ITGAM: variants seen among roughly 807,000 people sequenced by gnomAD.
The protein encoded by ITGAM is integrin subunit alpha M.
ITGAM carries 79 observed loss-of-function variants against 137.5 expected under a neutral mutation model. That is an observed-to-expected ratio of 0.57 (90% confidence interval 0.48 to 0.69). ITGAM has a LOEUF of 0.69. Ranked by LOEUF, ITGAM falls within the 30% of genes least tolerant of loss-of-function variation. The probability of loss-of-function intolerance (pLI) is 0.00; values close to 1 mark genes in which losing one functional copy is unlikely to be tolerated. For missense variants in ITGAM, 1,343 were observed against 1,483.5 expected, an observed-to-expected ratio of 0.91 and a Z score of 1.56; for synonymous variants, 583 against 592.3, an observed-to-expected ratio of 0.98 and a Z score of 0.23.
chr16:31,270,867 C>A, intron 5 of ITGAM, 87 bp from the exon 6 acceptor site: 1 of 793,582 alleles, frequency 1.3e-6, no homozygotes, highest in Non-Finnish European at 1.8e-6. Flanking sequence ...CCTATATTCT[C>A]ATTGTTCAGC....
intron 16 of ITGAM, 44 bp downstream of exon 16, chr16:31,321,671 A>G: frequency 6.3e-7 from 1 of 1,589,012 alleles, no homozygotes; most frequent in Non-Finnish European, 8.6e-7. Flanking sequence ...ACGACCGAGG[A>G]CATGAATGGG....
chr16:31,296,893 C>A (rs1413877750), intron 12 of ITGAM, among the ~76,000 whole-genome samples: 3 of 152,148 alleles, frequency 2.0e-5, no homozygotes, highest in African/African-American at 7.2e-5. Flanking sequence ...AATATCACAA[C>A]AAATATTCAA....
intron 2 of ITGAM, among the ~76,000 whole-genome samples, chr16:31,265,120 G>A (rs2079749601): frequency 6.6e-6 from 1 of 151,986 alleles, no homozygotes. Flanking sequence ...CCACCCCCTT[G>A]GCCTCCCAAA....
Position 31,325,431 on chromosome 16 carries a change from C to T in ITGAM, c.2505+27C>T, listed in dbSNP as rs930028146. The T allele has an allele frequency of 3.7e-6, 6 of 1,612,464 alleles. No individual in the cohort carries two copies. In the African/African-American group the frequency reaches 8.0e-5, roughly 22 times the overall value. The stretch of plus-strand genomic sequence containing the variant: ...TAGCCACATCCTTCTCAGGCTCTAT[C>T]TGACCTTTGCTTCCCCATCCTCACG... On this transcript the variant is annotated intron_variant, in intron 20 of 29. Coordinates refer to ENST00000544665, the MANE Select transcript of ITGAM (RefSeq NM_000632.4).
At chr16:31,271,396 A>C (rs1202433856) in intron 6 of ITGAM, among the ~76,000 whole-genome samples, 2 of 152,186 alleles carry the variant, frequency 1.3e-5, no homozygotes, top group East Asian at 1.9e-4. Context: ...TCTTTCTCTC[A>C]GGCTGGAGTG....
At chr16:31,330,671 G>A in intron 28 of ITGAM, 66 bp downstream of exon 28, 2 of 1,151,132 alleles carry the variant, frequency 1.7e-6, no homozygotes, top group Non-Finnish European at 1.2e-6. Flanking sequence ...GATTTCTGGG[G>A]GAGGAGAGAG....
intron 14 of ITGAM, among the ~76,000 whole-genome samples, chr16:31,300,681 C>T (rs1013915216): frequency 2.0e-5 from 3 of 152,258 alleles, no homozygotes; most frequent in South Asian, 4.1e-4. Flanking sequence ...GAAGCCGAGG[C>T]GGGTGTATCA....
At chr16:31,282,161 G>A (rs1237090914) in intron 12 of ITGAM, among the ~76,000 whole-genome samples, 3 of 152,152 alleles carry the variant, frequency 2.0e-5, no homozygotes, top group Admixed American at 6.6e-5. Context: ...TTTTGTAATA[G>A]GTGTGGTGTG....
intron 22 of ITGAM, among the ~76,000 whole-genome samples, chr16:31,327,529 G>A (rs888065642): frequency 2.0e-5 from 3 of 151,980 alleles, no homozygotes; most frequent in African/African-American, 7.3e-5. Flanking sequence ...GGAAGATTGA[G>A]GCTGCAGTGA....
intron 14 of ITGAM, among the ~76,000 whole-genome samples, chr16:31,311,519 A>C (rs941760257): frequency 2.6e-5 from 4 of 152,170 alleles, no homozygotes; most frequent in African/African-American, 7.2e-5. Context: ...ATGCAGCCAA[A>C]AGACACATGA....
chr16:31,324,304 A>C lies in ITGAM; in HGVS notation c.2003-95A>C. The C allele has an allele frequency of 9.8e-7, 1 of 1,021,616 alleles. No individual in the cohort carries two copies. Among genetic ancestry groups the C allele is most frequent in the Non-Finnish European group, 1.5e-6 (1 of 686,102 alleles). The allele number at this position is 1,021,616 out of a possible 1,614,324, so 63.3% of individuals were successfully genotyped here. A position where few individuals can be genotyped will look rare whatever the true frequency, so the allele number is the denominator to read the frequency against. ...GAAGTCAGATAACATACCCCAAGTC[A>C]CACAGCTGAGAAGCAGAGGAGCTGG... On this transcript the variant is annotated intron_variant, in intron 16 of 29. Coordinates refer to ENST00000544665, the MANE Select transcript of ITGAM (RefSeq NM_000632.4). The surrounding 1 kb of genome is among the most constrained non-coding windows in gnomAD (Gnocchi z 4.5).
chr16:31,321,595 T>C lies in ITGAM; in HGVS notation c.1970T>C (p.Val657Ala), dbSNP rs747335206. The C allele has an allele frequency of 3.1e-6, 5 of 1,613,958 alleles. No individual in the cohort carries two copies. The highest frequency in any genetic ancestry group is 4.2e-6 in the Non-Finnish European group (5 of 1,179,880). The change falls in exon 16 of 30, where the codon GTC becomes GCC. Residue 657 changes from valine to alanine, a missense_variant. Physicochemically the swap from Val to Ala is moderately conservative, Grantham distance 64. Transcript: ENST00000544665. ...GGAGAGGTCAGAGTCTGCCTCCATG[T>C]CCAGAAGAGCACACGGGATCGGCTA... ...EAGEVRVCLHVQKSTRDRLRE... is the reference protein window; with the variant it reads ...EAGEVRVCLHAQKSTRDRLRE...
chr16:31,324,596 G>A lies in ITGAM; in HGVS notation c.2157+43G>A, dbSNP rs761601606. 3 of 1,610,696 alleles carry A rather than the reference G, an allele frequency of 1.9e-6. No individual in the cohort carries two copies. The highest frequency in any genetic ancestry group is 2.2e-5 in the South Asian group (2 of 90,398). ...CAGACCCCTGGGTCTTCCAAGCATG[G>A]AGTGGGCTTGGGGAGCTGAGGAGGG... On this transcript the variant is annotated intron_variant, in intron 17 of 29. Transcript: ENST00000544665. This position sits in a 1 kb window ranked among gnomAD's most constrained non-coding sequence, Gnocchi z 4.5.
intron 2 of ITGAM, among the ~76,000 whole-genome samples, chr16:31,263,747 C>G (rs1259783777): frequency 1.3e-5 from 2 of 149,494 alleles, no homozygotes; most frequent in African/African-American, 4.9e-5. Context: ...GAAGCTCTCT[C>G]CCTTGTGTAT....
chr16:31,278,131 T>G (rs574863524), intron 12 of ITGAM, 22 bp downstream of exon 12: 1 of 1,595,100 alleles, frequency 6.3e-7, no homozygotes, highest in Non-Finnish European at 8.5e-7. Flanking sequence ...TTGTGGAGCA[T>G]GAATGTGCAA....
At chr16:31,310,208 G>T (rs531853921) in intron 14 of ITGAM, among the ~76,000 whole-genome samples, 1 of 142,136 alleles carries the variant, frequency 7.0e-6, no homozygotes, top group South Asian at 2.3e-4. Context: ...TCTTTGTGGC[G>T]TTCTCTGTAT....
At chr16:31,290,642 A>T (rs2080078260) in intron 12 of ITGAM, among the ~76,000 whole-genome samples, 2 of 152,212 alleles carry the variant, frequency 1.3e-5, no homozygotes. Flanking sequence ...CTTAAAAGTG[A>T]AAGAGAATGC....
intron 19 of ITGAM, 101 bp downstream of exon 19, chr16:31,325,132 A>G: frequency 1.4e-6 from 2 of 1,465,146 alleles, no homozygotes; most frequent in South Asian, 1.3e-5. Context: ...TTCCTGGGCT[A>G]TAAGGTCCGG....
intron 14 of ITGAM, among the ~76,000 whole-genome samples, chr16:31,319,053 T>C (rs2080421356): frequency 6.6e-6 from 1 of 152,220 alleles, no homozygotes; most frequent in Non-Finnish European, 1.5e-5. Context: ...CATTCCATTG[T>C]GGTTGGAAAA....
Sources: allele counts gnomAD v4.1 joint callset (sites outside exome capture counted in the v4.1 genomes callset), GRCh38; gene constraint gnomAD v4.1.1; non-coding constraint Gnocchi (gnomAD v3.1); transcripts MANE v1.5; gene names NCBI Gene and HGNC (gene_info 2026-07-23, HGNC 2026-07-21).